SCN11A: variants seen among roughly 807,000 people sequenced by gnomAD.
The protein encoded by SCN11A is sodium voltage-gated channel alpha subunit 11.
SCN11A carries 122 observed loss-of-function variants against 162.2 expected under a neutral mutation model. The observed-to-expected ratio is 0.75, with a 90% CI of 0.65 to 0.87. SCN11A has a LOEUF of 0.87. SCN11A is among the 40% of genes least tolerant of loss of function. The pLI is 0.00. For missense variants in SCN11A, 2,015 were observed against 2,181.6 expected (o/e 0.92, Z 1.52); for synonymous variants, 758 against 751.5 (o/e 1.01, Z -0.14).
intron 2 of SCN11A, among the ~76,000 whole-genome samples, chr3:38,963,740 G>T (rs2066762912): frequency 6.6e-6 from 1 of 151,762 alleles, no homozygotes; most frequent in Non-Finnish European, 1.5e-5. Context: ...TGGGAGAGAG[G>T]CAAGGGATTA....
At chr3:38,951,850 C>A (rs1459474996) in intron 4 of SCN11A, among the ~76,000 whole-genome samples, 1 of 152,168 alleles carries the variant, frequency 6.6e-6, no homozygotes, top group African/African-American at 2.4e-5. Flanking sequence ...CCAATCAGCA[C>A]CCTGTCAAAA....
chr3:38,877,861 G>A (rs2065245595), intron 23 of SCN11A, among the ~76,000 whole-genome samples: 1 of 150,610 alleles, frequency 6.6e-6, no homozygotes, highest in Non-Finnish European at 1.5e-5. Flanking sequence ...GACCAAAATA[G>A]TGGCTTTCAC....
chr3:38,971,406 G>A (rs2066816081), intron 2 of SCN11A, among the ~76,000 whole-genome samples: 1 of 152,136 alleles, frequency 6.6e-6, no homozygotes, highest in Admixed American at 6.5e-5. Context: ...TGATCCCAAA[G>A]TGGAGACAAA....
chr3:38,988,316 T>C (rs2030333105), intron 2 of SCN11A, among the ~76,000 whole-genome samples: 1 of 152,060 alleles, frequency 6.6e-6, no homozygotes, highest in African/African-American at 2.4e-5. Context: ...TCCTTCCTTA[T>C]TTATCACCTA....
intron 27 of SCN11A, among the ~76,000 whole-genome samples, chr3:38,866,605 T>A (rs2065045004): frequency 6.6e-6 from 1 of 152,212 alleles, no homozygotes; most frequent in Non-Finnish European, 1.5e-5. Flanking sequence ...ATTAAAAATA[T>A]AAGGTAATCC....
intron 7 of SCN11A, among the ~76,000 whole-genome samples, chr3:38,938,563 TTTTTTTTTTTTTTTTTTTGA>T: frequency 1.4e-5 from 1 of 71,010 alleles, no homozygotes; most frequent in African/African-American, 7.1e-5. Context: ...TTTTTTTTTT[TTTTTTTTTTTTTTTTTTTGA>T]GACAGAGTTT....
chr3:38,927,815 G>A (rs7634127), intron 7 of SCN11A, among the ~76,000 whole-genome samples: 135,691 of 152,242 alleles, frequency 0.89, 60,553 homozygotes, highest in South Asian at 0.92. Context: ...AACCCTCGCC[G>A]TGACTCAATT....
chr3:38,867,490 AC>A, intron 26 of SCN11A, 32 bp from the exon 27 acceptor site: 1 of 1,546,684 alleles, frequency 6.5e-7, no homozygotes, highest in South Asian at 1.2e-5. Context: ...AGAGAAAAAA[AC>A]AATTACTGGA....
At chr3:38,890,566 G>A (rs920359610) in intron 19 of SCN11A, among the ~76,000 whole-genome samples, 4 of 152,218 alleles carry the variant, frequency 2.6e-5, no homozygotes, top group South Asian at 2.1e-4. Flanking sequence ...CAAAGACTGC[G>A]CTTAAAAGCT....
At chr3:38,984,290 C>T (rs944452188) in intron 2 of SCN11A, among the ~76,000 whole-genome samples, 7 of 152,214 alleles carry the variant, frequency 4.6e-5, no homozygotes, top group Non-Finnish European at 8.8e-5. Flanking sequence ...CTGCCTCCTT[C>T]TGGCTCTTCA....
intron 1 of SCN11A, among the ~76,000 whole-genome samples, chr3:39,043,364 C>G (rs777162581): frequency 2.0e-5 from 3 of 152,228 alleles, no homozygotes; most frequent in South Asian, 4.2e-4. Context: ...CATTTGCACT[C>G]CCATGTTTGT....
At chr3:39,029,120 T>A in intron 2 of SCN11A, among the ~76,000 whole-genome samples, 1 of 152,212 alleles carries the variant, frequency 6.6e-6, no homozygotes, top group Non-Finnish European at 1.5e-5. Flanking sequence ...TTAAGTCAAC[T>A]GTTAATATAC....
intron 19 of SCN11A, among the ~76,000 whole-genome samples, chr3:38,891,364 A>G (rs533846458): frequency 6.1e-4 from 93 of 152,150 alleles, no homozygotes; most frequent in Admixed American, 1.3e-3. Context: ...AAGAGCACAG[A>G]GAAAACAAAA....
rs146174311 is a variant in SCN11A at position 38,897,206 on chromosome 3, G to A, written c.2042C>T (p.Ala681Val). The change falls in exon 18 of 30, where the codon GCC becomes GTC. Residue 681 changes from alanine (A) to valine (V), a missense_variant. By Grantham distance (64) the Ala-to-Val change is moderately conservative. Transcript: ENST00000302328. ...TGTGTTCAAAGTTGGCCAGGATTTG[G>A]CTAACTTGAAGACCCTGAGCTGTAG... Reference protein sequence around the residue: ...SFRVLRVFKLAKSWPTLNTLI... With the variant: ...SFRVLRVFKLVKSWPTLNTLI... 1 of 1,610,556 alleles carries A rather than the reference G, an allele frequency of 6.2e-7. No homozygotes were observed. Among genetic ancestry groups the A allele is most frequent in the Non-Finnish European group, 8.5e-7 (1 of 1,178,276 alleles).
intron 28 of SCN11A, 35 bp from the exon 29 acceptor site, chr3:38,850,786 T>C: frequency 6.6e-7 from 1 of 1,517,690 alleles, no homozygotes; most frequent in Non-Finnish European, 8.9e-7. Context: ...TCATTTTGAA[T>C]GCAAGAATAA....
intron 2 of SCN11A, among the ~76,000 whole-genome samples, chr3:39,003,758 A>G (rs561770230): frequency 6.3e-4 from 95 of 151,958 alleles, no homozygotes; most frequent in Non-Finnish European, 9.3e-4. Flanking sequence ...TGTGGTTTCT[A>G]TTTACATTTC....
At chr3:38,951,102 G>A (rs569714866) in intron 4 of SCN11A, among the ~76,000 whole-genome samples, 35 of 152,360 alleles carry the variant, frequency 2.3e-4, no homozygotes, top group African/African-American at 8.2e-4. Flanking sequence ...CCCCTTTCTG[G>A]GCTGGCCAAG....
At chr3:39,033,262 G>A (rs11918631) in intron 1 of SCN11A, among the ~76,000 whole-genome samples, 12,551 of 151,846 alleles carry the variant, frequency 0.083, 733 homozygotes, top group African/African-American at 0.16. Flanking sequence ...AGTCTGGTTT[G>A]TTTGGAAGCA....
At chr3:38,941,256 T>TTAA (rs2066438357) in intron 7 of SCN11A, among the ~76,000 whole-genome samples, 2 of 152,184 alleles carry the variant, frequency 1.3e-5, no homozygotes, top group Admixed American at 6.5e-5. Flanking sequence ...AATGACATAC[T>TTAA]TAAAGTGCTA....
Sources: gnomAD v4.1 joint callset for allele counts (sites outside exome capture counted in the v4.1 genomes callset) on GRCh38, gnomAD v4.1.1 for gene constraint, MANE v1.5 for transcripts, NCBI Gene and HGNC (gene_info 2026-07-23, HGNC 2026-07-21) for gene names.